AQR: variants seen among roughly 807,000 people sequenced by gnomAD.
The protein encoded by AQR is RNA helicase aquarius.
In AQR, 61 loss-of-function variants were observed where a neutral mutation model predicts 180.5. The observed-to-expected ratio is 0.34, with a 90% CI of 0.28 to 0.42. The LOEUF (loss-of-function observed/expected upper bound fraction) is 0.42, where lower values mean the gene tolerates loss of function less well. AQR is among the 10% of genes least tolerant of loss of function. AQR has a pLI of 1.00. For synonymous variants in AQR, 551 were observed against 588.8 expected (o/e 0.94, Z 0.93); for missense variants, 1,281 against 1,798.3 (o/e 0.71, Z 5.20).
intron 8 of AQR, among the ~76,000 whole-genome samples, chr15:34,939,568 AT>A (rs1893994334): frequency 6.6e-6 from 1 of 152,264 alleles, no homozygotes; most frequent in South Asian, 2.1e-4. Flanking sequence ...TGTTTAAAAA[AT>A]AATTTTCTAT....
At chr15:34,963,251 T>C (rs1268953716) in intron 2 of AQR, among the ~76,000 whole-genome samples, 4 of 152,152 alleles carry the variant, frequency 2.6e-5, no homozygotes, top group Non-Finnish European at 4.4e-5. Flanking sequence ...AGCACTAGGA[T>C]TATACGCATG....
In AQR at chr15:34,863,081, T is replaced by G. The variant is rs771062482; in HGVS notation, c.3855-40A>C. 4 of 1,550,678 alleles carry G rather than the reference T, an allele frequency of 2.6e-6. No homozygotes were observed. The African/African-American group carries it at 5.6e-5, about 22-fold the overall frequency. On this transcript the variant is annotated intron_variant, in intron 32 of 34. Transcript: ENST00000156471. ...CAAAATAATTAGCACACTTCAAGAT[T>G]ATTAACATTTAAGCAGCTTTTTTTT...
chr15:34,896,032 G>C (rs1185149177), intron 22 of AQR, among the ~76,000 whole-genome samples: 1 of 152,152 alleles, frequency 6.6e-6, no homozygotes, highest in East Asian at 1.9e-4. Context: ...GACCAAAATA[G>C]ACTTTGACCA....
chr15:34,879,917 TC>T (rs1892946193), intron 27 of AQR, among the ~76,000 whole-genome samples: 1 of 152,088 alleles, frequency 6.6e-6, no homozygotes, highest in Non-Finnish European at 1.5e-5. Context: ...GAAGTCTGGC[TC>T]TCTTTCTCCA....
intron 32 of AQR, among the ~76,000 whole-genome samples, chr15:34,865,678 T>C (rs1426701937): frequency 6.6e-6 from 1 of 152,146 alleles, no homozygotes; most frequent in African/African-American, 2.4e-5. Flanking sequence ...AATTGATGAA[T>C]GGATAAATAA....
intron 32 of AQR, among the ~76,000 whole-genome samples, chr15:34,865,732 A>G (rs1595780339): frequency 6.6e-6 from 1 of 152,372 alleles, no homozygotes; most frequent in East Asian, 1.9e-4. Flanking sequence ...AGCAATGAAA[A>G]GGAATGAAGT....
In AQR at chr15:34,934,620, T is replaced by A. The variant is rs1404561093; in HGVS notation, c.734A>T (p.Asp245Val). 1 of 1,584,618 alleles carries A rather than the reference T, an allele frequency of 6.3e-7. No individual in the cohort carries two copies. Among genetic ancestry groups the A allele is most frequent in the Non-Finnish European group, 8.6e-7 (1 of 1,168,498 alleles). Residue 245 changes from aspartate (D) to valine (V), a missense_variant, in exon 10 of 35, where the codon GAC (aspartate) becomes GTC (valine). Around this residue, in one of 9 missense-constraint regions of AQR, gnomAD observed 404 missense variants for 490.9 expected, o/e 0.82. Coordinates refer to ENST00000156471, the MANE Select transcript of AQR (RefSeq NM_014691.3). The stretch of plus-strand genomic sequence containing the variant: ...GAATCTTTCACAGTAATGAACTTTG[T>A]CCATAGTGACAGGTTCTAGACATAA... ...SVPLSEPVTM[D>V]KVHYCERFIE... is the part of the protein sequence containing the mutation.
Position 34,944,442 on chromosome 15 carries a change from G to A in AQR, c.331-14C>T. 2 of 1,585,258 alleles carry A rather than the reference G, an allele frequency of 1.3e-6. No homozygotes were observed. The highest frequency in any genetic ancestry group is 8.5e-7 in the Non-Finnish European group (1 of 1,170,192). On this transcript the variant is annotated splice_polypyrimidine_tract_variant and intron_variant, in intron 5 of 34. Coordinates refer to ENST00000156471, the MANE Select transcript of AQR (RefSeq NM_014691.3). ...CTTCTTAAAAATCTGAAAAGAAACA[G>A]AATAAAATTCATTTTGTATTGGCTT...
chr15:34,902,412 A>G (rs1031902451), intron 19 of AQR, among the ~76,000 whole-genome samples: 1 of 152,180 alleles, frequency 6.6e-6, no homozygotes, highest in Non-Finnish European at 1.5e-5. Context: ...CAAAGAAACC[A>G]AAAGAGCATT....
chr15:34,909,270 T>C (rs6495723), intron 17 of AQR, among the ~76,000 whole-genome samples: 113,661 of 151,578 alleles, frequency 0.75, 43,595 homozygotes, highest in Middle Eastern at 0.87. Context: ...AACAGGGCTT[T>C]AAGTAAGACC....
chr15:34,945,695 A>T (rs1419273418), intron 5 of AQR, among the ~76,000 whole-genome samples: 4 of 152,230 alleles, frequency 2.6e-5, no homozygotes, highest in Non-Finnish European at 5.9e-5. Context: ...TCATTTAATG[A>T]ATATTTGAGA....
chr15:34,857,261 A>C (rs1055883064), intron 34 of AQR, among the ~76,000 whole-genome samples, 155 bp from the exon 35 acceptor site: 2 of 152,336 alleles, frequency 1.3e-5, no homozygotes, highest in African/African-American at 2.4e-5. Context: ...AGGTTCTGCT[A>C]ACACCAAGGA....
At chr15:34,936,406 A>T (rs1893944998) in intron 9 of AQR, among the ~76,000 whole-genome samples, 1 of 152,156 alleles carries the variant, frequency 6.6e-6, no homozygotes. Flanking sequence ...TTTTGATAAA[A>T]ACTCAAGATT....
intron 20 of AQR, among the ~76,000 whole-genome samples, chr15:34,898,216 TC>T (rs1428581545): frequency 1.3e-5 from 2 of 152,182 alleles, no homozygotes; most frequent in Non-Finnish European, 2.9e-5. Context: ...TAATGACATG[TC>T]TAGAATATGA....
intron 17 of AQR, among the ~76,000 whole-genome samples, chr15:34,909,758 C>T (rs984563274): frequency 5.3e-5 from 8 of 152,046 alleles, no homozygotes; most frequent in Non-Finnish European, 1.0e-4. Context: ...TGGGCTTTCT[C>T]CCTGCTCTTT....
chr15:34,910,653 A>T (rs1893486637), intron 16 of AQR, among the ~76,000 whole-genome samples: 1 of 152,222 alleles, frequency 6.6e-6, no homozygotes, highest in Non-Finnish European at 1.5e-5. Flanking sequence ...AAAGAAATAA[A>T]TAATCCAGCA....
chr15:34,900,773 T>C lies in AQR; in HGVS notation c.2092A>G (p.Ser698Gly). The C allele has an allele frequency of 6.2e-7, 1 of 1,614,206 alleles. No homozygotes were observed. Among genetic ancestry groups the C allele is most frequent in the Non-Finnish European group, 8.5e-7 (1 of 1,180,022 alleles). ...HDIILGYGDP[S>G]SAHYSKMPNQ... ...GGCATTTTCGAATAATGTGCACTAC[T>C]TGGGTCCCCATAACCTAAAATGATA... The change falls in exon 20 of 35, where the codon AGT (serine) becomes GGT (glycine). Residue 698 changes from serine to glycine, a missense_variant. Physicochemically the swap from Ser to Gly is moderately conservative, Grantham distance 56. This residue lies in a region of AQR where 28 missense variants were observed against 75.3 expected (regional missense o/e 0.37). Transcript: ENST00000156471.
intron 18 of AQR, 80 bp downstream of exon 18, chr15:34,906,465 C>A (rs1223243819): frequency 1.3e-6 from 2 of 1,519,764 alleles, no homozygotes; most frequent in African/African-American, 2.8e-5. Flanking sequence ...AAAAATATTA[C>A]CTAAGAAGCA....
In AQR at chr15:34,969,567, G is replaced by T; in HGVS notation, c.47C>A (p.Ser16Tyr). 1 of 1,613,748 alleles carries T rather than the reference G, an allele frequency of 6.2e-7. No individual in the cohort carries two copies. The highest frequency in any genetic ancestry group is 1.1e-5 in the South Asian group (1 of 91,082). Residue 16 changes from serine (S) to tyrosine (Y), a missense_variant, in exon 1 of 35, where the codon TCC becomes TAC. This residue lies in a region of AQR where 404 missense variants were observed against 490.9 expected (regional missense o/e 0.82). Coordinates refer to ENST00000156471, the MANE Select transcript of AQR (RefSeq NM_014691.3). ...QPKKIVAPTV[S>Y]QINAEFVTQL... ...GGTCACGAACTCCGCATTGATTTGG[G>T]ACACCGTAGGGGCCACGATCTTCTT...
Sources: allele counts gnomAD v4.1 joint callset (sites outside exome capture counted in the v4.1 genomes callset), GRCh38; gene constraint gnomAD v4.1.1; regional missense constraint gnomAD v4.1.1; transcripts MANE v1.5; gene names NCBI Gene and HGNC (gene_info 2026-07-23, HGNC 2026-07-21).